Variants in HIVEP2 observed in about 807,000 individuals in gnomAD.
The protein encoded by HIVEP2 is HIVEP zinc finger 2.
In HIVEP2, 14 loss-of-function variants were observed where a neutral mutation model predicts 180.7. The ratio of observed to expected loss-of-function variants is 0.08; its 90% CI spans 0.05 to 0.12. The LOEUF (loss-of-function observed/expected upper bound fraction) is 0.12. HIVEP2 is among the 10% of genes least tolerant of loss of function. The pLI is 1.00. For missense variants in HIVEP2, 2,579 were observed against 3,008.5 expected (o/e 0.86, Z 3.34); for synonymous variants, 1,184 against 1,136.4 (o/e 1.04, Z -0.84).
intron 1 of HIVEP2, among the ~76,000 whole-genome samples, chr6:142,867,162 A>G (rs1401565145): frequency 6.6e-6 from 1 of 152,196 alleles, no homozygotes; most frequent in East Asian, 1.9e-4. Flanking sequence ...ATCACTGTCT[A>G]TATCAGAAAA....
chr6:142,783,879 A>C (rs1367011389), intron 2 of HIVEP2, among the ~76,000 whole-genome samples: 7 of 152,200 alleles, frequency 4.6e-5, no homozygotes, highest in Admixed American at 3.3e-4. Flanking sequence ...AAGTACCAGC[A>C]CTAGAAATTG....
rs545680245 is a variant in HIVEP2 at position 142,914,167 on chromosome 6, C to T, written c.-641+30932G>A. 1.6e-4 allele frequency among the ~76,000 whole-genome samples: 25 copies of T among 152,310 alleles called. No individual in the cohort carries two copies. The South Asian group carries it at 5.0e-3, about 30-fold the overall frequency. ...CCTTCTTGGTGCCCCCATTTTCTCACATGTCAGCCACAGTTATCATGTGCC... is the reference window on the plus strand; with the variant it reads ...CCTTCTTGGTGCCCCCATTTTCTCATATGTCAGCCACAGTTATCATGTGCC... On this transcript the variant is annotated intron_variant, in intron 1 of 9. Transcript: ENST00000367603.
chr6:142,758,306 C>T (rs1273218356), intron 9 of HIVEP2, among the ~76,000 whole-genome samples: 1 of 152,176 alleles, frequency 6.6e-6, no homozygotes, highest in African/African-American at 2.4e-5. Flanking sequence ...TGGTACCAGA[C>T]TTGTGAAAAG....
chr6:142,817,880 C>A (rs978558722), intron 2 of HIVEP2, among the ~76,000 whole-genome samples: 2 of 152,028 alleles, frequency 1.3e-5, no homozygotes, highest in African/African-American at 2.4e-5. Flanking sequence ...GTGGCACATG[C>A]CTGTAATCCC....
chr6:142,771,940 C>A lies in HIVEP2; in HGVS notation c.2799G>T (p.Glu933Asp). The A allele has an allele frequency of 6.2e-7, 1 of 1,614,188 alleles. No homozygotes were observed. Among genetic ancestry groups the A allele is most frequent in the Non-Finnish European group, 8.5e-7 (1 of 1,180,038 alleles). The change falls in exon 5 of 10, where the codon GAG (glutamate) becomes GAT (aspartate). Residue 933 changes from glutamate (E) to aspartate (D), a missense_variant. Coordinates refer to ENST00000367603, the MANE Select transcript of HIVEP2 (RefSeq NM_006734.4). This position sits in a 1 kb window ranked among gnomAD's most constrained non-coding sequence, Gnocchi z 5.4. ...RSETLSQLPA[E>D]KLPPKKKRLR... ...GACGCTTCTTTTTGGGTGGCAACTT[C>A]TCCGCGGGGAGCTGGGAAAGGGTCT...
At chr6:142,857,962 T>C (rs1028406381) in intron 1 of HIVEP2, among the ~76,000 whole-genome samples, 7 of 152,104 alleles carry the variant, frequency 4.6e-5, no homozygotes, top group South Asian at 2.1e-4. Flanking sequence ...TCCCCCACCA[T>C]TGGCTTCCTG....
At chr6:142,934,221 G>C (rs1429839681) in intron 1 of HIVEP2, among the ~76,000 whole-genome samples, 2 of 152,080 alleles carry the variant, frequency 1.3e-5, no homozygotes, top group African/African-American at 4.8e-5. Flanking sequence ...ACTAAAAATA[G>C]CCACTCTAAT....
In HIVEP2 at chr6:142,892,611, T is replaced by C. The variant is rs551101980; in HGVS notation, c.-641+52488A>G. On this transcript the variant is annotated intron_variant, in intron 1 of 9. Coordinates refer to ENST00000367603, the MANE Select transcript of HIVEP2 (RefSeq NM_006734.4). ...ATTAAACAAAGTCTATAAATGCTTA[T>C]AATAGATAAACGAGAAGACATGTGA... is the stretch of plus-strand genomic sequence containing the variant. Among the ~76,000 whole-genome samples the C allele has an allele frequency of 5.9e-5, 9 of 152,342 alleles. No individual in the cohort carries two copies. The South Asian group carries it at 1.7e-3, about 28-fold the overall frequency.
intron 2 of HIVEP2, among the ~76,000 whole-genome samples, chr6:142,785,023 G>T (rs551326824): frequency 6.6e-6 from 1 of 151,866 alleles, no homozygotes; most frequent in East Asian, 2.0e-4. Context: ...AAGTAGCTGG[G>T]ACTACAGGCA....
intron 1 of HIVEP2, among the ~76,000 whole-genome samples, chr6:142,852,769 T>G (rs1352971201): frequency 6.6e-6 from 1 of 151,194 alleles, no homozygotes; most frequent in African/African-American, 2.4e-5. Flanking sequence ...ATGAATCAAT[T>G]TGTGCAGTTT....
intron 3 of HIVEP2, among the ~76,000 whole-genome samples, chr6:142,782,955 A>AT (rs2114692953): frequency 6.6e-6 from 1 of 152,322 alleles, no homozygotes; most frequent in East Asian, 1.9e-4. Context: ...AGTTATTAGG[A>AT]TTCACTAAGT....
intron 9 of HIVEP2, among the ~76,000 whole-genome samples, chr6:142,755,981 T>C (rs1582826836): frequency 6.6e-6 from 1 of 152,210 alleles, no homozygotes; most frequent in East Asian, 1.9e-4. Flanking sequence ...GTTTTGTAAT[T>C]TGGGCCTTAT....
intron 7 of HIVEP2, among the ~76,000 whole-genome samples, chr6:142,762,747 G>A (rs1775282066): frequency 6.6e-6 from 1 of 152,156 alleles, no homozygotes; most frequent in Non-Finnish European, 1.5e-5. Context: ...ATGAGCCACA[G>A]TTAAAACTGG....
chr6:142,937,140 T>C (rs1161077976), intron 1 of HIVEP2, among the ~76,000 whole-genome samples: 5 of 152,232 alleles, frequency 3.3e-5, no homozygotes, highest in South Asian at 4.1e-4. Flanking sequence ...GTTCACTTCA[T>C]TGGCATAGCA....
At chr6:142,827,324 C>A (rs1054307698) in intron 2 of HIVEP2, among the ~76,000 whole-genome samples, 1 of 152,122 alleles carries the variant, frequency 6.6e-6, no homozygotes, top group Non-Finnish European at 1.5e-5. Flanking sequence ...TTTTCTTTAA[C>A]AAGCTCTATT....
chr6:142,778,167 A>G (rs939126734), intron 3 of HIVEP2, among the ~76,000 whole-genome samples: 1 of 152,232 alleles, frequency 6.6e-6, no homozygotes, highest in African/African-American at 2.4e-5. Context: ...TTGCTATTGG[A>G]TTTAATTTTT....
At chr6:142,871,017 A>T (rs1328940755) in intron 1 of HIVEP2, among the ~76,000 whole-genome samples, 1 of 152,164 alleles carries the variant, frequency 6.6e-6, no homozygotes, top group Non-Finnish European at 1.5e-5. Context: ...CTTGGTCAGG[A>T]CACTGAAAGC....
At chr6:142,926,962 C>CG (rs1777831266) in intron 1 of HIVEP2, among the ~76,000 whole-genome samples, 1 of 151,804 alleles carries the variant, frequency 6.6e-6, no homozygotes, top group Non-Finnish European at 1.5e-5. Context: ...TGTCAGCGGA[C>CG]GGGGGGCCAA....
intron 1 of HIVEP2, among the ~76,000 whole-genome samples, chr6:142,940,711 A>T (rs765758832): frequency 5.3e-5 from 8 of 152,234 alleles, no homozygotes; most frequent in Non-Finnish European, 1.2e-4. Context: ...TCTACAGGAA[A>T]TACTTGTTGA....
Sources: allele counts gnomAD v4.1 joint callset (sites outside exome capture counted in the v4.1 genomes callset), GRCh38; gene constraint gnomAD v4.1.1; non-coding constraint Gnocchi (gnomAD v3.1); transcripts MANE v1.5; gene names NCBI Gene and HGNC (gene_info 2026-07-23, HGNC 2026-07-21).